Variants in KCNJ4 observed in about 807,000 individuals in gnomAD.
The protein encoded by KCNJ4 is potassium inwardly rectifying channel subfamily J member 4, also known as inward rectifier potassium channel 4.
In KCNJ4, 3 loss-of-function variants were observed where a neutral mutation model predicts 25.6. That is an observed-to-expected ratio of 0.12 (90% CI 0.05 to 0.30). KCNJ4 has a LOEUF of 0.30. KCNJ4 is among the 10% of genes least tolerant of loss of function. The pLI, the probability that KCNJ4 is intolerant of heterozygous loss-of-function variation, is 1.00. For missense variants in KCNJ4, 286 were observed against 666.8 expected (o/e 0.43, Z 6.29); for synonymous variants, 257 against 283.9 (o/e 0.91, Z 0.95).
chr22:38,431,067 AG>A (rs2093048276), intron 1 of KCNJ4, among the ~76,000 whole-genome samples: 1 of 152,240 alleles, frequency 6.6e-6, no homozygotes, highest in Non-Finnish European at 1.5e-5. Context: ...ATAGAGGCAG[AG>A]GGGACAGGGT....
chr22:38,442,826 T>A (rs1381855226), intron 1 of KCNJ4, among the ~76,000 whole-genome samples: 1 of 152,114 alleles, frequency 6.6e-6, no homozygotes, highest in Non-Finnish European at 1.5e-5. Flanking sequence ...CACTGTAGCC[T>A]TGACTTCCCA....
intron 1 of KCNJ4, among the ~76,000 whole-genome samples, chr22:38,452,243 G>C (rs2089414414): frequency 6.6e-6 from 1 of 152,182 alleles, no homozygotes; most frequent in Non-Finnish European, 1.5e-5. Flanking sequence ...TACAGATGTG[G>C]ACTCCACATG....
rs754155135 is a variant in KCNJ4, at chr22:38,427,427, G to C, written c.706C>G (p.Pro236Ala). 1 of 1,613,856 alleles carries C rather than the reference G, an allele frequency of 6.2e-7. No homozygotes were observed. The highest frequency in any genetic ancestry group is 8.5e-7 in the Non-Finnish European group (1 of 1,179,920). ...PYMTQEGEYL[P>A]LDQRDLNVGY... Reference sequence around the variant, plus strand: ...ACGTTGAGGTCCCGCTGGTCCAGGGGCAGGTACTCGCCCTCCTGGGTCATG... The same window carrying C: ...ACGTTGAGGTCCCGCTGGTCCAGGGCCAGGTACTCGCCCTCCTGGGTCATG... Residue 236 changes from proline to alanine, a missense_variant, in exon 2 of 2, where the codon CCC becomes GCC. Pro to Ala is a conservative substitution (Grantham distance 27). This residue lies in a region of KCNJ4 where 39 missense variants were observed against 100.9 expected (regional missense o/e 0.39). Transcript: ENST00000303592.
At chr22:38,436,907 G>A (rs1471586891) in intron 1 of KCNJ4, among the ~76,000 whole-genome samples, 1 of 152,194 alleles carries the variant, frequency 6.6e-6, no homozygotes, top group Non-Finnish European at 1.5e-5. Context: ...GCATGCTACT[G>A]TCCTGCCTCG....
At chr22:38,445,311 C>T (rs2089366153) in intron 1 of KCNJ4, among the ~76,000 whole-genome samples, 1 of 152,066 alleles carries the variant, frequency 6.6e-6, no homozygotes, top group Non-Finnish European at 1.5e-5. Flanking sequence ...CAGCAGCATC[C>T]TGGAAGTTGT....
intron 1 of KCNJ4, among the ~76,000 whole-genome samples, chr22:38,453,187 T>A (rs1602647689): frequency 6.6e-6 from 1 of 152,166 alleles, no homozygotes. Flanking sequence ...GAACCTACTA[T>A]GCTCCAGGCT....
chr22:38,435,619 G>A (rs2093063124), intron 1 of KCNJ4, among the ~76,000 whole-genome samples: 1 of 151,706 alleles, frequency 6.6e-6, no homozygotes, highest in African/African-American at 2.4e-5. Flanking sequence ...CTTGAACCCA[G>A]GAGGCAGGGG....
chr22:38,452,188 C>A (rs1569125522), intron 1 of KCNJ4, among the ~76,000 whole-genome samples: 3 of 152,198 alleles, frequency 2.0e-5, no homozygotes, highest in Admixed American at 1.3e-4. Flanking sequence ...AGGGCACCTT[C>A]TTTCAGGAGA....
chr22:38,448,211 A>G (rs2089388657), intron 1 of KCNJ4, among the ~76,000 whole-genome samples: 1 of 150,382 alleles, frequency 6.6e-6, no homozygotes, highest in South Asian at 2.1e-4. Flanking sequence ...GTGCCATTGC[A>G]TTCCAGCCTG....
At chr22:38,435,108 T>C (rs1200157184) in intron 1 of KCNJ4, among the ~76,000 whole-genome samples, 3 of 152,214 alleles carry the variant, frequency 2.0e-5, no homozygotes, top group Non-Finnish European at 4.4e-5. Context: ...TCCCTCTGTC[T>C]GCAAGATGGG....
In KCNJ4 at chr22:38,427,839, G is replaced by T; in HGVS notation, c.294C>A (p.Gly98=). 2.5e-6 allele frequency: 4 copies of T among 1,603,318 alleles called. No individual in the cohort carries two copies. Among genetic ancestry groups the T allele is most frequent in the Non-Finnish European group, 3.4e-6 (4 of 1,176,028 alleles). The part of the protein sequence containing the change: ...EASPGVPAAG[G]PAAGGGGAAP... ...CTGCTCCGCCACCACCCGCCGCCGG[G>T]CCCCCCGCCGCAGGCACCCCTGGGC... is the stretch of plus-strand genomic sequence containing the variant. Residue 98 remains glycine (G), a synonymous_variant, in exon 2 of 2, where the codon GGC becomes GGA. Coordinates refer to ENST00000303592, the MANE Select transcript of KCNJ4 (RefSeq NM_152868.3).
At chr22:38,440,097 CA>C (rs1053336679) in intron 1 of KCNJ4, among the ~76,000 whole-genome samples, 270 of 75,824 alleles carry the variant, frequency 3.6e-3, no homozygotes, top group Middle Eastern at 0.011. Flanking sequence ...GACTTCGTCT[CA>C]AAAAAAAAAA....
intron 1 of KCNJ4, among the ~76,000 whole-genome samples, chr22:38,448,160 C>T (rs1248083970): frequency 2.0e-5 from 3 of 151,018 alleles, no homozygotes; most frequent in Non-Finnish European, 4.4e-5. Context: ...GCAGGAGAAT[C>T]GCTTGAACCC....
Position 38,427,378 on chromosome 22 carries a change from C to T in KCNJ4, c.755G>A (p.Arg252His), listed in dbSNP as rs2093036014. Reference sequence around the variant, plus strand: ...GATGATGGGCGACACCAGGAAGATGCGGTCCAGGCCGATGTCATAGCCCAC... The same window carrying T: ...GATGATGGGCGACACCAGGAAGATGTGGTCCAGGCCGATGTCATAGCCCAC... ...LNVGYDIGLD[R>H]IFLVSPIIIV... Residue 252 changes from arginine (R) to histidine (H), a missense_variant, in exon 2 of 2, where the codon CGC becomes CAC. Transcript: ENST00000303592. The T allele has an allele frequency of 6.2e-7, 1 of 1,614,022 alleles. No individual in the cohort carries two copies.
At chr22:38,438,229 T>C (rs1188601646) in intron 1 of KCNJ4, among the ~76,000 whole-genome samples, 1 of 110,298 alleles carries the variant, frequency 9.1e-6, no homozygotes, top group Non-Finnish European at 1.7e-5. Context: ...GACAGAGCGA[T>C]ACTCTGTCTC....
At chr22:38,438,446 T>C (rs2089308377) in intron 1 of KCNJ4, among the ~76,000 whole-genome samples, 1 of 150,034 alleles carries the variant, frequency 6.7e-6, no homozygotes, top group Non-Finnish European at 1.5e-5. Flanking sequence ...TTCTAGCACT[T>C]TGGGAGGCGG....
chr22:38,440,772 G>C (rs902557140), intron 1 of KCNJ4, among the ~76,000 whole-genome samples: 2 of 152,172 alleles, frequency 1.3e-5, no homozygotes, highest in African/African-American at 4.8e-5. Context: ...TGCATTCTGG[G>C]TGAAGAGTCC....
chr22:38,437,731 A>C (rs2089302350), intron 1 of KCNJ4, among the ~76,000 whole-genome samples: 1 of 152,222 alleles, frequency 6.6e-6, no homozygotes, highest in African/African-American at 2.4e-5. Flanking sequence ...CTCTGTGAGA[A>C]AATGGCAGAG....
rs1029607893 is a variant in KCNJ4 at position 38,434,633 on chromosome 22, C to A, written c.-39-6462G>T. ...GGACCCCTTCTCCTGCCACATCACC[C>A]TGCTCAACCTGGGACCCCCAGGCTC... On this transcript the variant is annotated intron_variant, in intron 1 of 1. Coordinates refer to ENST00000303592, the MANE Select transcript of KCNJ4 (RefSeq NM_152868.3). 6.6e-5 allele frequency among the ~76,000 whole-genome samples: 10 copies of A among 152,152 alleles called. No homozygotes were observed. In the East Asian group the frequency reaches 7.7e-4, roughly 12 times the overall value.
Sources: allele counts gnomAD v4.1 joint callset (sites outside exome capture counted in the v4.1 genomes callset), GRCh38; gene constraint gnomAD v4.1.1; regional missense constraint gnomAD v4.1.1; transcripts MANE v1.5; gene names NCBI Gene and HGNC (gene_info 2026-07-23, HGNC 2026-07-21).